The following DNM3 variants were observed in gnomAD, a reference collection of about 807,000 sequenced individuals.
The protein encoded by DNM3 is dynamin 3, also known as dynamin-3.
In DNM3, 47 loss-of-function variants were observed where a neutral mutation model predicts 101.6. The observed-to-expected ratio is 0.46, with a 90% CI of 0.37 to 0.59. The LOEUF is 0.59. Ranked by LOEUF, DNM3 falls within the 20% of genes least tolerant of loss-of-function variation. DNM3 has a pLI of 0.00. For missense variants in DNM3, 849 were observed against 1,085.7 expected, an observed-to-expected ratio of 0.78 and a Z score of 3.06; for synonymous variants, 385 against 387.9, an observed-to-expected ratio of 0.99 and a Z score of 0.09.
chr1:171,937,704 G>A (rs1246210638), intron 2 of DNM3, among the ~76,000 whole-genome samples: 1 of 152,080 alleles, frequency 6.6e-6, no homozygotes, highest in Non-Finnish European at 1.5e-5. Flanking sequence ...AGAGTAGCTG[G>A]GACCACAGGG....
intron 11 of DNM3, among the ~76,000 whole-genome samples, chr1:172,078,671 C>G (rs1178540175): frequency 6.6e-6 from 1 of 152,116 alleles, no homozygotes; most frequent in African/African-American, 2.4e-5. Context: ...CATTATGATG[C>G]TAGCTGGTTA....
chr1:171,945,329 T>C (rs1456633505), intron 2 of DNM3, among the ~76,000 whole-genome samples: 2 of 152,180 alleles, frequency 1.3e-5, no homozygotes, highest in Admixed American at 6.5e-5. Context: ...AGCACAGTTA[T>C]ATAAATGCAT....
At chr1:172,027,107 G>A (rs2048258754) in intron 4 of DNM3, among the ~76,000 whole-genome samples, 1 of 152,084 alleles carries the variant, frequency 6.6e-6, no homozygotes, top group African/African-American at 2.4e-5. Flanking sequence ...CACTAAATAT[G>A]GAAAGGAACA....
intron 15 of DNM3, among the ~76,000 whole-genome samples, chr1:172,257,955 C>T (rs1346317042): frequency 6.6e-6 from 1 of 151,292 alleles, no homozygotes; most frequent in Non-Finnish European, 1.5e-5. Context: ...TTATTTCCAC[C>T]GTCTGGTATA....
At chr1:172,305,135 G>A (rs2064726783) in intron 15 of DNM3, among the ~76,000 whole-genome samples, 2 of 152,062 alleles carry the variant, frequency 1.3e-5, no homozygotes, top group African/African-American at 4.8e-5. Flanking sequence ...TAGACCACTA[G>A]CAAGACTAAT....
At chr1:172,042,239 T>C in intron 8 of DNM3, 95 bp downstream of exon 8, 1 of 1,231,618 alleles carries the variant, frequency 8.1e-7, no homozygotes, top group Non-Finnish European at 1.1e-6. Flanking sequence ...GGTATAGAAC[T>C]AACATAGTTC....
In DNM3 at chr1:172,038,315, T is replaced by A. The variant is rs758298192; in HGVS notation, c.850-4T>A. On this transcript the variant is annotated splice_region_variant and splice_polypyrimidine_tract_variant and intron_variant, in intron 6 of 20. Coordinates refer to ENST00000627582, the MANE Select transcript of DNM3 (RefSeq NM_015569.5). ...ATCTGTGTGTATCATTTTGTTTTGT[T>A]TAGCAACTTACCAACCACATTCGGG... is the stretch of plus-strand genomic sequence containing the variant. 17 of 1,613,042 alleles carry A rather than the reference T, an allele frequency of 1.1e-5. No individual in the cohort carries two copies. In the South Asian group the frequency reaches 1.8e-4, roughly 17 times the overall value.
At chr1:172,356,510 G>T (rs1558037484) in intron 17 of DNM3, among the ~76,000 whole-genome samples, 1 of 151,726 alleles carries the variant, frequency 6.6e-6, no homozygotes. Context: ...ATTTGACGGG[G>T]TTTTAAATTT....
chr1:172,174,947 G>A (rs2059102992), intron 14 of DNM3, among the ~76,000 whole-genome samples: 1 of 151,668 alleles, frequency 6.6e-6, no homozygotes, highest in Non-Finnish European at 1.5e-5. Context: ...GTCGAATAGT[G>A]GGATCAGCAT....
At chr1:172,347,824 G>A (rs1008436764) in intron 17 of DNM3, among the ~76,000 whole-genome samples, 4 of 152,104 alleles carry the variant, frequency 2.6e-5, no homozygotes, top group African/African-American at 9.7e-5. Flanking sequence ...AATCTAAATG[G>A]CCATTAGTGG....
At chr1:172,013,415 T>G (rs1205857641) in intron 4 of DNM3, among the ~76,000 whole-genome samples, 1 of 152,138 alleles carries the variant, frequency 6.6e-6, no homozygotes, top group Admixed American at 6.6e-5. Context: ...TAAAATTAAT[T>G]TATTCACTTA....
intron 14 of DNM3, among the ~76,000 whole-genome samples, chr1:172,244,938 C>A (rs2061894147): frequency 6.6e-6 from 1 of 152,194 alleles, no homozygotes; most frequent in Admixed American, 6.5e-5. Context: ...TAGTTTTCAA[C>A]AGCATGTGGA....
intron 4 of DNM3, among the ~76,000 whole-genome samples, chr1:172,025,527 G>T (rs1164628822): frequency 6.6e-6 from 1 of 152,194 alleles, no homozygotes; most frequent in Non-Finnish European, 1.5e-5. Context: ...CCCAGCAGGG[G>T]TTGACAGACA....
At chr1:172,170,875 G>T (rs1048430281) in intron 14 of DNM3, among the ~76,000 whole-genome samples, 18 of 151,678 alleles carry the variant, frequency 1.2e-4, no homozygotes, top group Non-Finnish European at 2.5e-4. Context: ...GTTTCTAGGG[G>T]TCATGCCAAC....
At chr1:171,998,209 A>T (rs1446121987) in intron 4 of DNM3, among the ~76,000 whole-genome samples, 1 of 152,170 alleles carries the variant, frequency 6.6e-6, no homozygotes, top group East Asian at 1.9e-4. Flanking sequence ...CACATGTTAG[A>T]CTTAAAAAAT....
intron 1 of DNM3, among the ~76,000 whole-genome samples, chr1:171,858,438 T>A (rs1177966410): frequency 6.6e-6 from 1 of 152,048 alleles, no homozygotes; most frequent in Non-Finnish European, 1.5e-5. Flanking sequence ...TCCTACCCGA[T>A]AACCATCACA....
At chr1:171,863,449 T>C (rs1351673550) in intron 1 of DNM3, among the ~76,000 whole-genome samples, 1 of 152,068 alleles carries the variant, frequency 6.6e-6, no homozygotes, top group Non-Finnish European at 1.5e-5. Flanking sequence ...CAAAGACTAT[T>C]TGAGGAAATG....
intron 2 of DNM3, among the ~76,000 whole-genome samples, chr1:171,927,742 C>T (rs1159511775): frequency 1.3e-5 from 2 of 152,138 alleles, no homozygotes; most frequent in Non-Finnish European, 2.9e-5. Context: ...CTATATTGTC[C>T]GTTATTGTAA....
At chr1:171,950,994 G>C (rs1279876296) in intron 2 of DNM3, among the ~76,000 whole-genome samples, 3 of 151,976 alleles carry the variant, frequency 2.0e-5, no homozygotes, top group Non-Finnish European at 4.4e-5. Flanking sequence ...GGGAAAGGAG[G>C]GTGTGCTGTG....
Sources: gnomAD v4.1 joint callset for allele counts (sites outside exome capture counted in the v4.1 genomes callset) on GRCh38, gnomAD v4.1.1 for gene constraint, MANE v1.5 for transcripts, NCBI Gene and HGNC (gene_info 2026-07-23, HGNC 2026-07-21) for gene names.